LRRC4C: variants seen among roughly 807,000 people sequenced by gnomAD.
The protein encoded by LRRC4C is leucine rich repeat containing 4C.
LRRC4C carries 5 observed loss-of-function variants against 33.6 expected under a neutral mutation model. That is an observed-to-expected ratio of 0.15 (90% CI 0.08 to 0.31). The LOEUF (loss-of-function observed/expected upper bound fraction) is 0.31. Ranked by LOEUF, LRRC4C falls within the 10% of genes least tolerant of loss-of-function variation. The pLI, the probability that LRRC4C is intolerant of heterozygous loss-of-function variation, is 1.00. For missense variants in LRRC4C, 560 were observed against 796.7 expected (o/e 0.70, Z 3.58); for synonymous variants, 329 against 302.0 (o/e 1.09, Z -0.93).
chr11:41,067,737 C>G (rs1200840733), intron 1 of LRRC4C, among the ~76,000 whole-genome samples: 1 of 152,172 alleles, frequency 6.6e-6, no homozygotes, highest in East Asian at 1.9e-4. Flanking sequence ...AAATCAAACT[C>G]AGGATTAAGA....
intron 5 of LRRC4C, among the ~76,000 whole-genome samples, chr11:40,234,155 C>G (rs1482273027): frequency 6.6e-6 from 1 of 152,106 alleles, no homozygotes; most frequent in African/African-American, 2.4e-5. Context: ...TTAAGGGTCC[C>G]CAAAGAACAT....
Position 40,974,858 on chromosome 11 carries a change from G to A in LRRC4C, c.-495-41135C>T, listed in dbSNP as rs562477909. Reference sequence around the variant, plus strand: ...GGACACTCTACTCCTCCTGTTCTTGGACACTGGGACTCCAGGCTTTCTGTC... The same window carrying A: ...GGACACTCTACTCCTCCTGTTCTTGAACACTGGGACTCCAGGCTTTCTGTC... On this transcript the variant is annotated intron_variant, in intron 1 of 6. Coordinates refer to ENST00000528697, the MANE Select transcript of LRRC4C (RefSeq NM_001258419.2). Among the ~76,000 whole-genome samples, 8 of 152,254 alleles carry A rather than the reference G, an allele frequency of 5.3e-5. No homozygotes were observed. In the East Asian group the frequency reaches 1.5e-3, roughly 29 times the overall value.
At chr11:40,877,979 G>T (rs1954988683) in intron 2 of LRRC4C, among the ~76,000 whole-genome samples, 1 of 152,098 alleles carries the variant, frequency 6.6e-6, no homozygotes, top group Non-Finnish European at 1.5e-5. Flanking sequence ...GTAGCTTTTT[G>T]TTGGTAGTCC....
intron 1 of LRRC4C, among the ~76,000 whole-genome samples, chr11:40,959,964 GA>G (rs1850864308): frequency 6.6e-6 from 1 of 151,694 alleles, no homozygotes; most frequent in Non-Finnish European, 1.5e-5. Context: ...AATGTTAGAT[GA>G]TAGTAATTCT....
At chr11:40,426,760 A>C (rs968301531) in intron 3 of LRRC4C, among the ~76,000 whole-genome samples, 1 of 152,200 alleles carries the variant, frequency 6.6e-6, no homozygotes, top group African/African-American at 2.4e-5. Context: ...TTTGTCCAAG[A>C]AATATTTGTT....
chr11:40,842,453 A>G (rs141113338), intron 2 of LRRC4C, among the ~76,000 whole-genome samples: 318 of 152,284 alleles, frequency 2.1e-3, no homozygotes, highest in Non-Finnish European at 3.8e-3. Context: ...TTTATTGTAT[A>G]CATGTTTTTA....
At chr11:41,408,610 T>C (rs1954330735) in intron 1 of LRRC4C, among the ~76,000 whole-genome samples, 1 of 152,066 alleles carries the variant, frequency 6.6e-6, no homozygotes, top group Non-Finnish European at 1.5e-5. Context: ...CAATTTATGA[T>C]GTTAAAAATA....
chr11:40,692,110 C>A (rs1367513667), intron 2 of LRRC4C, among the ~76,000 whole-genome samples: 1 of 151,950 alleles, frequency 6.6e-6, no homozygotes, highest in South Asian at 2.1e-4. Flanking sequence ...ATCTCATAAA[C>A]CAGAAATGTG....
chr11:40,827,938 A>G (rs1952236625), intron 2 of LRRC4C, among the ~76,000 whole-genome samples: 2 of 151,786 alleles, frequency 1.3e-5, no homozygotes, highest in Admixed American at 1.3e-4. Context: ...GTGCTTATCA[A>G]AAATAAAAAC....
At chr11:40,686,537 A>T (rs1345377532) in intron 2 of LRRC4C, among the ~76,000 whole-genome samples, 2 of 151,980 alleles carry the variant, frequency 1.3e-5, no homozygotes, top group Non-Finnish European at 2.9e-5. Flanking sequence ...TTCTCAGGTG[A>T]TTCTCTAATA....
intron 3 of LRRC4C, among the ~76,000 whole-genome samples, chr11:40,473,612 G>A (rs547573760): frequency 6.6e-5 from 10 of 152,086 alleles, no homozygotes; most frequent in Non-Finnish European, 1.2e-4. Context: ...GGGCAAGTAG[G>A]CAAGAGAAAG....
At chr11:40,298,897 G>A (rs1944640916) in intron 4 of LRRC4C, among the ~76,000 whole-genome samples, 1 of 151,636 alleles carries the variant, frequency 6.6e-6, no homozygotes, top group Non-Finnish European at 1.5e-5. Flanking sequence ...AAAGAGCATG[G>A]GGGGAAATGC....
intron 5 of LRRC4C, among the ~76,000 whole-genome samples, chr11:40,196,307 A>G (rs1036797476): frequency 1.3e-5 from 2 of 152,224 alleles, no homozygotes; most frequent in Non-Finnish European, 2.9e-5. Flanking sequence ...CTGATTCTAC[A>G]GCATTTATGA....
intron 1 of LRRC4C, among the ~76,000 whole-genome samples, chr11:41,013,636 A>G (rs984451376): frequency 1.3e-4 from 20 of 152,218 alleles, no homozygotes; most frequent in African/African-American, 4.6e-4. Context: ...CATATTTCTT[A>G]TAGTTTTAGA....
At chr11:40,268,915 T>G (rs759496466) in intron 4 of LRRC4C, among the ~76,000 whole-genome samples, 3 of 152,168 alleles carry the variant, frequency 2.0e-5, no homozygotes, top group Non-Finnish European at 4.4e-5. Context: ...CTAGGTAGAA[T>G]CACTTAAGTA....
intron 5 of LRRC4C, among the ~76,000 whole-genome samples, chr11:40,187,968 A>C (rs1292970530): frequency 1.3e-5 from 2 of 152,190 alleles, no homozygotes; most frequent in Non-Finnish European, 2.9e-5. Context: ...TAGCGGAAGG[A>C]CAGAGAATAT....
At chr11:40,771,463 A>G (rs921551921) in intron 2 of LRRC4C, among the ~76,000 whole-genome samples, 2 of 152,136 alleles carry the variant, frequency 1.3e-5, no homozygotes, top group African/African-American at 4.8e-5. Flanking sequence ...GGTCTCTCAC[A>G]TGCCTTGGGA....
chr11:41,018,847 T>C (rs187663479), intron 1 of LRRC4C, among the ~76,000 whole-genome samples: 2 of 152,242 alleles, frequency 1.3e-5, no homozygotes, highest in Admixed American at 1.3e-4. Context: ...ACTAGACCAT[T>C]TTCGGGTTGA....
At chr11:40,919,263 G>C (rs1311769687) in intron 2 of LRRC4C, among the ~76,000 whole-genome samples, 2 of 152,152 alleles carry the variant, frequency 1.3e-5, no homozygotes, top group Non-Finnish European at 2.9e-5. Context: ...GGGTCTTATA[G>C]ATCCAGGGGC....
Sources: gnomAD v4.1 joint callset for allele counts (sites outside exome capture counted in the v4.1 genomes callset) on GRCh38, gnomAD v4.1.1 for gene constraint, MANE v1.5 for transcripts, NCBI Gene and HGNC (gene_info 2026-07-23, HGNC 2026-07-21) for gene names.